Variants in HSCB observed in about 807,000 individuals in gnomAD.
HSCB encodes the protein HscB mitochondrial iron-sulfur cluster cochaperone.
A neutral mutation model predicts 31.3 loss-of-function variants in HSCB; 23 were observed. That is an observed-to-expected ratio of 0.74 (90% CI 0.53 to 1.04). The LOEUF is 1.04. HSCB is among the 50% of genes least tolerant of loss of function. HSCB has a pLI of 0.00. For synonymous variants in HSCB, 110 were observed against 104.5 expected (o/e 1.05, Z -0.32); for missense variants, 297 against 288.1 (o/e 1.03, Z -0.22).
Position 28,744,793 on chromosome 22 carries a change from G to A in HSCB, c.423+89G>A, listed in dbSNP as rs968002418. 2.7e-5 allele frequency: 28 copies of A among 1,030,098 alleles called. 1 individual carries two copies. Among genetic ancestry groups the A allele is most frequent in the Non-Finnish European group, 4.0e-5 (26 of 654,598 alleles). 63.8% of individuals were successfully genotyped at this position (1,030,098 alleles called of 1,614,324 possible). ...CACGTCCCCTTTATTCAGCAGAAGA[G>A]TGCTTGAGGTCAGGCATGGTGGCTC... On this transcript the variant is annotated intron_variant, in intron 3 of 5. Coordinates refer to ENST00000216027, the MANE Select transcript of HSCB (RefSeq NM_172002.5).
Position 28,743,994 on chromosome 22 carries a change from A to T in HSCB, c.333+16A>T, listed in dbSNP as rs751733806. On this transcript the variant is annotated intron_variant, in intron 2 of 5. Coordinates refer to ENST00000216027, the MANE Select transcript of HSCB (RefSeq NM_172002.5). Reference sequence around the variant, plus strand: ...GAGGTCTCAGGTAGCTTATTGGCCAACCCCAATAATCCCCAAATATGTGTG... The same window carrying T: ...GAGGTCTCAGGTAGCTTATTGGCCATCCCCAATAATCCCCAAATATGTGTG... The T allele has an allele frequency of 3.8e-6, 6 of 1,563,366 alleles. No individual in the cohort carries two copies. The highest frequency in any genetic ancestry group is 1.1e-5 in the South Asian group (1 of 90,072).
chr22:28,756,145 G>A (rs2030582147), intron 5 of HSCB, among the ~76,000 whole-genome samples: 1 of 151,892 alleles, frequency 6.6e-6, no homozygotes, highest in African/African-American at 2.4e-5. Context: ...CTACTCTGGA[G>A]ACTGAGGCAT....
At chr22:28,745,644 C>A in intron 3 of HSCB, 1 of 387,332 alleles carries the variant, frequency 2.6e-6, no homozygotes, top group Non-Finnish European at 4.6e-6. Context: ...ATGACTACCC[C>A]AAGATCACAC....
rs150518681 is a variant in HSCB at position 28,745,918 on chromosome 22, C to G, written c.478C>G (p.Gln160Glu). 6.2e-7 allele frequency: 1 copy of G among 1,613,082 alleles called. No homozygotes were observed. The highest frequency in any genetic ancestry group is 1.7e-5 in the Admixed American group (1 of 59,976). ...AAGGACAGATTATGAAATGGACAGG[C>G]AATTCCTCATAGAAATAATGGAAAT... is the stretch of plus-strand genomic sequence containing the variant. The part of the protein sequence containing the change: ...PERTDYEMDR[Q>E]FLIEIMEINE... Residue 160 changes from glutamine to glutamate, a missense_variant, in exon 4 of 6, where the codon CAA (glutamine) becomes GAA (glutamate). By Grantham distance (29) the Gln-to-Glu change is conservative. Transcript: ENST00000216027.
chr22:28,744,265 T>G (rs999155088), intron 2 of HSCB, among the ~76,000 whole-genome samples: 4 of 152,172 alleles, frequency 2.6e-5, no homozygotes, highest in East Asian at 1.9e-4. Context: ...TTATAAAACT[T>G]TGTGGGCCTG....
rs781643400 is a variant in HSCB at position 28,742,349 on chromosome 22, G to A, written c.236+18G>A. The A allele has an allele frequency of 6.2e-7, 1 of 1,607,274 alleles. No individual in the cohort carries two copies. The highest frequency in any genetic ancestry group is 8.5e-7 in the Non-Finnish European group (1 of 1,174,798). ...ATGGACTGGTACGAGCGACGGTTTC[G>A]GGAAACGGGCCCGGGCGAGAGACAC... On this transcript the variant is annotated intron_variant, in intron 1 of 5. Transcript: ENST00000216027.
chr22:28,745,442 C>T lies in HSCB; in HGVS notation c.424-422C>T, dbSNP rs540933378. Reference sequence around the variant, plus strand: ...GCGGGTGCCTGTAATCCCAGCTACTCGGGAGGCTGAGGCAGAGAATTGCTT... The same window carrying T: ...GCGGGTGCCTGTAATCCCAGCTACTTGGGAGGCTGAGGCAGAGAATTGCTT... On this transcript the variant is annotated intron_variant, in intron 3 of 5. Transcript: ENST00000216027. The T allele has an allele frequency of 3.8e-4, 58 of 152,512 alleles. 1 individual carries two copies. The South Asian group carries it at 5.7e-3, about 15-fold the overall frequency. The allele number at this position is 152,512 out of a possible 1,614,324, so 9.4% of individuals were successfully genotyped here. A position where few individuals can be genotyped will look rare whatever the true frequency, so the allele number is the denominator to read the frequency against.
chr22:28,747,474 C>G (rs1475597651), intron 4 of HSCB, among the ~76,000 whole-genome samples: 1 of 151,990 alleles, frequency 6.6e-6, no homozygotes, highest in Non-Finnish European at 1.5e-5. Context: ...CTAATTTTTT[C>G]TGTCTTTTAT....
intron 4 of HSCB, 34 bp from the exon 5 acceptor site, chr22:28,751,207 A>G (rs202209373): frequency 1.4e-4 from 202 of 1,397,482 alleles, no homozygotes; most frequent in Non-Finnish European, 1.9e-4. Flanking sequence ...GTCTATTTCA[A>G]TGGAAAAATT....
chr22:28,753,989 T>G (rs1241536380), intron 5 of HSCB, among the ~76,000 whole-genome samples: 3 of 148,416 alleles, frequency 2.0e-5, no homozygotes, highest in Non-Finnish European at 4.5e-5. Flanking sequence ...AAAAATTAGC[T>G]GGGTGTGGTG....
intron 1 of HSCB, 128 bp from the exon 2 acceptor site, chr22:28,743,754 C>T (rs996082855): frequency 2.7e-6 from 2 of 734,418 alleles, no homozygotes; most frequent in African/African-American, 3.5e-5. Flanking sequence ...CTTCATAGGA[C>T]TTACCACTTT....
At chr22:28,743,769 A>T in intron 1 of HSCB, 113 bp from the exon 2 acceptor site, 1 of 853,600 alleles carries the variant, frequency 1.2e-6, no homozygotes, top group Non-Finnish European at 1.9e-6. Context: ...CACTTTTTGA[A>T]ATTAACTGCT....
chr22:28,748,238 C>T (rs1051631878), intron 4 of HSCB, among the ~76,000 whole-genome samples: 1 of 152,188 alleles, frequency 6.6e-6, no homozygotes, highest in African/African-American at 2.4e-5. Flanking sequence ...AGTGACACCA[C>T]TTGCACAAGC....
At position 28,748,305 on chromosome 22, in the gene HSCB, A is replaced by G. The variant is rs1177484230; in HGVS notation, c.568+2297A>G. On this transcript the variant is annotated intron_variant, in intron 4 of 5. Transcript: ENST00000216027. ...TCTTCCTTATGCCCATAGTCAATCT[A>G]TTACATCTGAAAGAGCTGACTTAAA... Among the ~76,000 whole-genome samples the G allele has an allele frequency of 2.0e-5, 3 of 152,174 alleles. No individual in the cohort carries two copies. In the East Asian group the frequency reaches 5.8e-4, roughly 29 times the overall value.
intron 4 of HSCB, 71 bp downstream of exon 4, chr22:28,746,079 T>C: frequency 8.1e-6 from 12 of 1,485,964 alleles, no homozygotes; most frequent in Middle Eastern, 2.4e-4. Context: ...TAGTGAAAAA[T>C]GAACGTAGAG....
intron 5 of HSCB, among the ~76,000 whole-genome samples, chr22:28,753,074 A>G (rs114832860): frequency 0.012 from 1,894 of 152,112 alleles, 47 homozygotes; most frequent in African/African-American, 0.043. Context: ...ATGAGATGCC[A>G]TCTCAAAAAA....
At chr22:28,751,477 C>T (rs1051560149) in intron 5 of HSCB, among the ~76,000 whole-genome samples, 189 bp downstream of exon 5, 3 of 152,178 alleles carry the variant, frequency 2.0e-5, no homozygotes, top group Admixed American at 6.6e-5. Flanking sequence ...TGGCCAGGCA[C>T]GGTGGCTAAT....
chr22:28,742,378 G>A (rs767591167), intron 1 of HSCB, 47 bp downstream of exon 1: 6 of 1,599,906 alleles, frequency 3.8e-6, no homozygotes, highest in Non-Finnish European at 4.3e-6. Flanking sequence ...GAGACACGTC[G>A]AGGTCTGGCC....
chr22:28,742,353 A>T, intron 1 of HSCB, 22 bp downstream of exon 1: 1 of 1,606,376 alleles, frequency 6.2e-7, no homozygotes, highest in South Asian at 1.1e-5. Flanking sequence ...GGTTTCGGGA[A>T]ACGGGCCCGG....
Sources: gnomAD v4.1 joint callset for allele counts (sites outside exome capture counted in the v4.1 genomes callset) on GRCh38, gnomAD v4.1.1 for gene constraint, MANE v1.5 for transcripts, NCBI Gene and HGNC (gene_info 2026-07-23, HGNC 2026-07-21) for gene names.